SYN2: variants seen among roughly 807,000 people sequenced by gnomAD.
SYN2 encodes the protein synapsin II.
Under a neutral mutation model 50.9 loss-of-function variants are expected in SYN2, and 19 were observed. The ratio of observed to expected loss-of-function variants is 0.37; its 90% CI spans 0.26 to 0.55. The LOEUF is 0.55. Among genes scored for constraint, SYN2 ranks in the 20% least tolerant of loss-of-function variants. The pLI is 0.81. For missense variants in SYN2, 587 were observed against 576.4 expected, an observed-to-expected ratio of 1.02 and a Z score of -0.19; for synonymous variants, 255 against 224.9, an observed-to-expected ratio of 1.13 and a Z score of -1.20.
intron 6 of SYN2, 180 bp from the exon 7 acceptor site, chr3:12,161,832 G>T: frequency 2.0e-6 from 2 of 1,015,116 alleles, no homozygotes; most frequent in Non-Finnish European, 1.4e-6. Context: ...AGCAAGTGTG[G>T]CCCTTGAGTT....
chr3:12,054,666 C>CT (rs34636626), intron 1 of SYN2, among the ~76,000 whole-genome samples: 90,511 of 141,186 alleles, frequency 0.64, 30,426 homozygotes, highest in South Asian at 0.77. Flanking sequence ...CATCCTGGGA[C>CT]TTTTTTTTTT....
At chr3:12,166,308 C>G (rs1402515987) in intron 7 of SYN2, among the ~76,000 whole-genome samples, 3 of 152,178 alleles carry the variant, frequency 2.0e-5, no homozygotes, top group East Asian at 3.8e-4. Context: ...TTGACTGTGT[C>G]TGGATGAAGG....
chr3:12,169,444 A>C (rs963398980), intron 9 of SYN2, among the ~76,000 whole-genome samples: 1 of 152,188 alleles, frequency 6.6e-6, no homozygotes, highest in Non-Finnish European at 1.5e-5. Context: ...CCCTGCCTGC[A>C]AACTTTTGCG....
chr3:12,184,619 T>C, intron 11 of SYN2: 1 of 985,940 alleles, frequency 1.0e-6, no homozygotes, highest in South Asian at 4.7e-5. Context: ...AGCTTTCTCT[T>C]TCCTGGGAGG....
chr3:12,057,618 A>AT, intron 1 of SYN2, among the ~76,000 whole-genome samples: 1 of 152,212 alleles, frequency 6.6e-6, no homozygotes, highest in Middle Eastern at 3.4e-3. Context: ...TTGGCTTTAT[A>AT]TTTTGTAGTT....
intron 1 of SYN2, among the ~76,000 whole-genome samples, chr3:12,085,201 C>A (rs1051146748): frequency 1.3e-5 from 2 of 151,410 alleles, no homozygotes; most frequent in East Asian, 3.9e-4. Flanking sequence ...AAAAGATATG[C>A]CATGCAAAGG....
chr3:12,097,803 A>G (rs1004799024), intron 1 of SYN2, among the ~76,000 whole-genome samples: 3 of 152,124 alleles, frequency 2.0e-5, no homozygotes, highest in Non-Finnish European at 2.9e-5. Context: ...GAATTGAACA[A>G]TGAGAACACT....
At chr3:12,152,123 C>T (rs1697314265) in intron 5 of SYN2, among the ~76,000 whole-genome samples, 1 of 152,178 alleles carries the variant, frequency 6.6e-6, no homozygotes, top group Non-Finnish European at 1.5e-5. Context: ...TTTGTGCCCG[C>T]CTCCCCACTT....
chr3:12,188,293 A>G (rs1242463743), intron 12 of SYN2, among the ~76,000 whole-genome samples: 3 of 152,190 alleles, frequency 2.0e-5, no homozygotes, highest in African/African-American at 4.8e-5. Flanking sequence ...GACCCCTGCA[A>G]GCAGCAGAGC....
intron 10 of SYN2, among the ~76,000 whole-genome samples, chr3:12,177,822 C>G (rs934868255): frequency 6.6e-6 from 1 of 152,174 alleles, no homozygotes; most frequent in African/African-American, 2.4e-5. Context: ...TGACCTGCCC[C>G]TCAGTGCCCC....
intron 12 of SYN2, among the ~76,000 whole-genome samples, chr3:12,188,473 C>G (rs1478436444): frequency 6.6e-6 from 1 of 152,232 alleles, no homozygotes; most frequent in Non-Finnish European, 1.5e-5. Context: ...TGATACACCC[C>G]TGCTTCTCAG....
intron 12 of SYN2, among the ~76,000 whole-genome samples, 152 bp downstream of exon 12, chr3:12,187,764 GTT>G (rs1273619986): frequency 1.0e-4 from 8 of 78,998 alleles, no homozygotes; most frequent in South Asian, 6.6e-4. Flanking sequence ...TTTGTTTTTG[GTT>G]TTTGTGTGTG....
chr3:12,098,804 C>T (rs1458812787), intron 1 of SYN2, among the ~76,000 whole-genome samples: 1 of 146,008 alleles, frequency 6.8e-6, no homozygotes, highest in African/African-American at 2.5e-5. Context: ...ATGCTGTCTA[C>T]AAGAGTTACA....
chr3:12,183,794 G>C (rs139604233), intron 11 of SYN2: 2 of 1,054,808 alleles, frequency 1.9e-6, no homozygotes, highest in South Asian at 3.1e-5. Flanking sequence ...ATGGGAGTAG[G>C]GGGGTGGACA....
At chr3:12,065,118 C>A (rs1459914435) in intron 1 of SYN2, among the ~76,000 whole-genome samples, 3 of 152,062 alleles carry the variant, frequency 2.0e-5, no homozygotes, top group Non-Finnish European at 4.4e-5. Flanking sequence ...CAGTAACAAT[C>A]ATCAAATAAA....
chr3:12,107,360 C>A (rs1696215298), intron 1 of SYN2, among the ~76,000 whole-genome samples: 1 of 152,044 alleles, frequency 6.6e-6, no homozygotes, highest in African/African-American at 2.4e-5. Context: ...AGATTTTTAA[C>A]CTGTAGTTAT....
At chr3:12,092,883 C>T (rs986560308) in intron 1 of SYN2, among the ~76,000 whole-genome samples, 1 of 152,132 alleles carries the variant, frequency 6.6e-6, no homozygotes, top group African/African-American at 2.4e-5. Flanking sequence ...GTATTAAAGA[C>T]CCATTGGATC....
At chr3:12,052,269 G>A (rs1694881481) in intron 1 of SYN2, among the ~76,000 whole-genome samples, 1 of 151,960 alleles carries the variant, frequency 6.6e-6, no homozygotes, top group Non-Finnish European at 1.5e-5. Flanking sequence ...AAGAGGTTAA[G>A]TAAGTAACCT....
chr3:12,044,181 T>TCTCTCACACACACA (rs573246278), intron 1 of SYN2, among the ~76,000 whole-genome samples: 7 of 53,354 alleles, frequency 1.3e-4, no homozygotes, highest in Admixed American at 6.1e-4. Context: ...TCTCTCTCTC[T>TCTCTCACACACACA]CACACACACA....
Sources: allele counts gnomAD v4.1 joint callset (sites outside exome capture counted in the v4.1 genomes callset), GRCh38; gene constraint gnomAD v4.1.1; transcripts MANE v1.5; gene names NCBI Gene and HGNC (gene_info 2026-07-23, HGNC 2026-07-21).